BORCS5: variants seen among roughly 807,000 people sequenced by gnomAD.
BORCS5 encodes the protein BLOC-1-related complex subunit 5.
A neutral mutation model predicts 22.1 loss-of-function variants in BORCS5; 17 were observed. The ratio of observed to expected loss-of-function variants is 0.77; its 90% CI spans 0.53 to 1.15. BORCS5 has a LOEUF of 1.15. Among genes scored for constraint, BORCS5 ranks in the 50% most tolerant of loss-of-function variants. The pLI, the probability that BORCS5 is intolerant of heterozygous loss-of-function variation, is 0.00. For synonymous variants in BORCS5, 117 were observed against 99.8 expected (o/e 1.17, Z -1.03); for missense variants, 247 against 253.2 (o/e 0.98, Z 0.17).
intron 2 of BORCS5, among the ~76,000 whole-genome samples, chr12:12,371,383 C>T (rs548993973): frequency 6.6e-6 from 1 of 152,290 alleles, no homozygotes; most frequent in African/African-American, 2.4e-5. Flanking sequence ...GCTTTGACCT[C>T]CTGGGCTCAA....
chr12:12,394,036 T>C (rs1045989376), intron 2 of BORCS5, among the ~76,000 whole-genome samples: 1 of 151,854 alleles, frequency 6.6e-6, no homozygotes, highest in African/African-American at 2.4e-5. Flanking sequence ...ATAAAATCAA[T>C]AGCCCTCGGC....
At chr12:12,390,421 A>T (rs888817704) in intron 2 of BORCS5, among the ~76,000 whole-genome samples, 1 of 152,114 alleles carries the variant, frequency 6.6e-6, no homozygotes, top group Admixed American at 6.5e-5. Context: ...AGCACAGAAC[A>T]TTGCAAAATG....
At chr12:12,447,254 C>A (rs1309208069) in intron 3 of BORCS5, among the ~76,000 whole-genome samples, 1 of 152,174 alleles carries the variant, frequency 6.6e-6, no homozygotes, top group African/African-American at 2.4e-5. Context: ...TCTGCTGTGC[C>A]CCCTCCTGCT....
chr12:12,418,084 C>T (rs888460163), intron 2 of BORCS5, among the ~76,000 whole-genome samples: 12 of 151,694 alleles, frequency 7.9e-5, no homozygotes, highest in East Asian at 1.9e-4. Context: ...AGTGCAGTGA[C>T]GCAATCTCAG....
chr12:12,416,868 G>T (rs1941976507), intron 2 of BORCS5, among the ~76,000 whole-genome samples: 1 of 145,488 alleles, frequency 6.9e-6, no homozygotes, highest in South Asian at 2.1e-4. Flanking sequence ...TGCAGCCTCT[G>T]CCTCTCGGGT....
At chr12:12,389,722 C>T (rs973324687) in intron 2 of BORCS5, among the ~76,000 whole-genome samples, 1 of 152,152 alleles carries the variant, frequency 6.6e-6, no homozygotes, top group Non-Finnish European at 1.5e-5. Flanking sequence ...TGGCTCACTG[C>T]AAGCTCTGCC....
intron 3 of BORCS5, among the ~76,000 whole-genome samples, chr12:12,458,203 G>GT (rs1484288044): frequency 6.6e-6 from 1 of 152,136 alleles, no homozygotes; most frequent in Non-Finnish European, 1.5e-5. Context: ...GCTTCACACT[G>GT]TTAATAGTTT....
intron 2 of BORCS5, among the ~76,000 whole-genome samples, chr12:12,430,150 A>ATTTTTTTT (rs1565905968): frequency 1.2e-4 from 9 of 74,410 alleles, no homozygotes; most frequent in African/African-American, 6.9e-4. Context: ...CCTTAGAGAA[A>ATTTTTTTT]ATTTTTTTTT....
intron 2 of BORCS5, among the ~76,000 whole-genome samples, chr12:12,427,834 C>G (rs1942327863): frequency 6.6e-6 from 1 of 152,126 alleles, no homozygotes; most frequent in Non-Finnish European, 1.5e-5. Flanking sequence ...AGGGGAGGCT[C>G]TCACATCTCT....
At chr12:12,413,934 C>T (rs1231462253) in intron 2 of BORCS5, among the ~76,000 whole-genome samples, 1 of 52,480 alleles carries the variant, frequency 1.9e-5, no homozygotes, top group East Asian at 3.9e-4. Context: ...GGGCGGGGGG[C>T]TGACCCCCCC....
At position 12,397,302 on chromosome 12, in the gene BORCS5, G is replaced by A. The variant is rs915307023; in HGVS notation, c.202+35953G>A. On this transcript the variant is annotated intron_variant, in intron 2 of 3. Coordinates refer to ENST00000314565, the MANE Select transcript of BORCS5 (RefSeq NM_058169.6). ...GTGACAGTGGAAACCCCAAAATGCC[G>A]ACATCCTAGAGAATGACCAGGAACA... Among the ~76,000 whole-genome samples the A allele has an allele frequency of 7.2e-5, 11 of 152,182 alleles. No individual in the cohort carries two copies. The East Asian group carries it at 1.4e-3, about 19-fold the overall frequency.
chr12:12,435,795 T>C lies in BORCS5; in HGVS notation c.360+10T>C, dbSNP rs552752875. The C allele has an allele frequency of 6.2e-7, 1 of 1,604,680 alleles. No homozygotes were observed. ...TAAACGAATCAAAGAGGTAATGTGC[T>C]GCGGGAAAATAACATTGCTGACTGG... On this transcript the variant is annotated intron_variant, in intron 3 of 3. Coordinates refer to ENST00000314565, the MANE Select transcript of BORCS5 (RefSeq NM_058169.6).
chr12:12,377,412 C>T (rs371435393), intron 2 of BORCS5, among the ~76,000 whole-genome samples: 1 of 152,116 alleles, frequency 6.6e-6, no homozygotes, highest in South Asian at 2.1e-4. Flanking sequence ...CTCCTGACCT[C>T]AGGTGGTCTG....
At position 12,357,261 on chromosome 12, in the gene BORCS5, G is replaced by T; in HGVS notation, c.-191G>T. On this transcript the variant is annotated 5_prime_UTR_variant, in exon 1 of 4. It adds an upstream start codon to the 5' untranslated region. Coordinates refer to ENST00000314565, the MANE Select transcript of BORCS5 (RefSeq NM_058169.6). ...TCCTTGCGTTTCTGTTCCCCAAATAGGGCCTCTCCTTCTCCCGCCGCCCAG... is the reference window on the plus strand; with the variant it reads ...TCCTTGCGTTTCTGTTCCCCAAATATGGCCTCTCCTTCTCCCGCCGCCCAG... 1.4e-6 allele frequency: 2 copies of T among 1,462,178 alleles called. No individual in the cohort carries two copies. Among genetic ancestry groups the T allele is most frequent in the Admixed American group, 2.5e-5 (1 of 40,382 alleles). 90.6% of individuals were successfully genotyped at this position (1,462,178 alleles called of 1,614,324 possible). A position where few individuals can be genotyped will look rare whatever the true frequency, so the allele number is the denominator to read the frequency against.
intron 2 of BORCS5, among the ~76,000 whole-genome samples, chr12:12,378,969 G>A (rs1202706084): frequency 1.3e-5 from 2 of 150,764 alleles, no homozygotes; most frequent in Admixed American, 1.3e-4. Context: ...TGCCCAGGCT[G>A]GTCTTGAATT....
intron 2 of BORCS5, among the ~76,000 whole-genome samples, chr12:12,433,592 G>T (rs180832053): frequency 1.3e-5 from 2 of 152,300 alleles, no homozygotes; most frequent in African/African-American, 4.8e-5. Context: ...GGGAAATTGG[G>T]TAAAGGGGAC....
intron 2 of BORCS5, 58 bp downstream of exon 2, chr12:12,361,407 T>C: frequency 1.3e-6 from 2 of 1,579,318 alleles, no homozygotes; most frequent in Non-Finnish European, 1.7e-6. Flanking sequence ...GTAGCCCTAC[T>C]ACTTTCCCTC....
intron 2 of BORCS5, among the ~76,000 whole-genome samples, chr12:12,370,123 C>CAT (rs1465532846): frequency 7.4e-6 from 1 of 135,472 alleles, no homozygotes; most frequent in Non-Finnish European, 1.5e-5. Flanking sequence ...CACACACACA[C>CAT]ACACACACAC....
intron 2 of BORCS5, among the ~76,000 whole-genome samples, chr12:12,412,767 C>T (rs1941769062): frequency 6.6e-6 from 1 of 151,898 alleles, no homozygotes; most frequent in South Asian, 2.1e-4. Flanking sequence ...TTTTATATGG[C>T]TTTTATTATG....
Sources: gnomAD v4.1 joint callset for allele counts (sites outside exome capture counted in the v4.1 genomes callset) on GRCh38, gnomAD v4.1.1 for gene constraint, MANE v1.5 for transcripts, NCBI Gene and HGNC (gene_info 2026-07-23, HGNC 2026-07-21) for gene names.